Variants in SNRPN observed in about 807,000 individuals in gnomAD.
SNRPN encodes small nuclear ribonucleoprotein polypeptide N.
Under a neutral mutation model 25.2 loss-of-function variants are expected in SNRPN, and 7 were observed. The ratio of observed to expected loss-of-function variants is 0.28; its 90% CI spans 0.16 to 0.52. The LOEUF (loss-of-function observed/expected upper bound fraction) is 0.52, where lower values mean the gene tolerates loss of function less well. Among genes scored for constraint, SNRPN ranks in the 20% least tolerant of loss-of-function variants. The pLI, the probability that SNRPN is intolerant of heterozygous loss-of-function variation, is 0.96. For synonymous variants in SNRPN, 124 were observed against 110.6 expected, an observed-to-expected ratio of 1.12 and a Z score of -0.76; for missense variants, 196 against 322.5, an observed-to-expected ratio of 0.61 and a Z score of 3.00.
At chr15:24,856,378 T>G (rs2053386565), upstream of SNRPN, among the ~76,000 whole-genome samples, 1 of 152,260 alleles carries the variant, frequency 6.6e-6, no homozygotes, top group African/African-American at 2.4e-5. Flanking sequence ...ATGTCAACAC[T>G]CCTCATTAGG....
chr15:24,924,411 A>G (rs1046236211), intron 3 of SNRPN, among the ~76,000 whole-genome samples: 3 of 151,796 alleles, frequency 2.0e-5, no homozygotes, highest in African/African-American at 7.3e-5. Flanking sequence ...ATAGGAGCCA[A>G]TCTTCCCTGG....
chr15:24,847,549 G>A (rs1338533250), intron 2 of SNRPN, among the ~76,000 whole-genome samples: 1 of 152,180 alleles, frequency 6.6e-6, no homozygotes, highest in Non-Finnish European at 1.5e-5. Context: ...TGAGGCAGGA[G>A]AATTGCTTGA....
chr15:24,858,272 A>T (rs561326358), intron 1 of SNRPN, among the ~76,000 whole-genome samples: 3 of 152,174 alleles, frequency 2.0e-5, no homozygotes, highest in Non-Finnish European at 2.9e-5. Context: ...GCTAAACTAT[A>T]AACCGAATTC....
At chr15:24,854,754 C>G (rs1325935385), upstream of SNRPN, among the ~76,000 whole-genome samples, 1 of 152,120 alleles carries the variant, frequency 6.6e-6, no homozygotes, top group Non-Finnish European at 1.5e-5. Flanking sequence ...ACCTGTAATC[C>G]CAGCACTTGA....
At chr15:24,968,230 A>G in intron 3 of SNRPN, 148 bp downstream of exon 3, 1 of 579,760 alleles carries the variant, frequency 1.7e-6, no homozygotes, top group Non-Finnish European at 3.1e-6. Context: ...AAAGTTTTGC[A>G]GGACCTTAAA....
chr15:24,958,486 GTT>G (rs71127030), intron 1 of SNRPN, among the ~76,000 whole-genome samples: 223 of 65,228 alleles, frequency 3.4e-3, no homozygotes, highest in African/African-American at 0.011. Context: ...CTGGCTCAAA[GTT>G]TTTTTTTTTT....
At position 24,895,400 on chromosome 15, in the gene SNRPN, AACACACACACAC is replaced by A. The variant is rs10558727; in HGVS notation, c.-505+8840_-505+8851del. ...GAGCATTACAGAAAAAATACACCCA[AACACACACACAC>A]ACACACACACACACACACACACACA... is the stretch of plus-strand genomic sequence containing the variant. On this transcript the variant is annotated intron_variant, in intron 2 of 11. Coordinates refer to the SNRPN transcript ENST00000400097. Among the ~76,000 whole-genome samples the A allele has an allele frequency of 3.1e-3, 460 of 147,296 alleles. 2 individuals are homozygous for A. Among genetic ancestry groups the A allele is most frequent in the African/African-American group, 0.01 (413 of 40,018 alleles).
rs1431498093 is a variant in SNRPN, at chr15:24,848,327, CT to C, written c.-579+18423del. 3.2e-4 allele frequency: 48 copies of C among 150,872 alleles called. 1 individual carries two copies. The highest frequency in any genetic ancestry group is 1.1e-3 in the Admixed American group (16 of 14,974). 9.3% of individuals were successfully genotyped at this position (150,872 alleles called of 1,614,324 possible). A position where few individuals can be genotyped will look rare whatever the true frequency, so the allele number is the denominator to read the frequency against. On this transcript the variant is annotated intron_variant, in intron 2 of 12. Coordinates refer to the SNRPN transcript ENST00000400100. ...GAGGATTCGGTGTTGCCCTTTCCCC[CT>C]GCTATTTCCGTTTCCGCGCTTCAAG...
At chr15:24,864,662 T>C (rs2054394096) in intron 1 of SNRPN, among the ~76,000 whole-genome samples, 2 of 151,838 alleles carry the variant, frequency 1.3e-5, no homozygotes, top group Admixed American at 6.6e-5. Flanking sequence ...TTTTTGTTTG[T>C]TTGCTTTGTT....
chr15:24,834,424 T>C (rs1480656214), intron 2 of SNRPN, among the ~76,000 whole-genome samples: 2 of 152,014 alleles, frequency 1.3e-5, no homozygotes, highest in Admixed American at 6.6e-5. Flanking sequence ...TAAACTGATT[T>C]GTGTATGAAG....
At chr15:24,936,424 T>G (rs1253323522) in intron 3 of SNRPN, among the ~76,000 whole-genome samples, 1 of 152,098 alleles carries the variant, frequency 6.6e-6, no homozygotes, top group East Asian at 1.9e-4. Flanking sequence ...GGAGTCAGAT[T>G]TGAACATGGT....
chr15:24,975,601 A>C (rs1002470255), intron 5 of SNRPN, 92 bp downstream of exon 5: 1 of 1,050,132 alleles, frequency 9.5e-7, no homozygotes, highest in African/African-American at 1.6e-5. Context: ...GGGTAACTGA[A>C]GTAGTTAGGG....
intron 3 of SNRPN, among the ~76,000 whole-genome samples, chr15:24,925,141 G>A (rs989596761): frequency 2.6e-5 from 4 of 152,162 alleles, no homozygotes; most frequent in African/African-American, 9.7e-5. Context: ...ATTCAGGGTT[G>A]AGTCAGGAAA....
chr15:24,968,054 C>T lies in SNRPN; in HGVS notation c.-172C>T, dbSNP rs372124469. The stretch of plus-strand genomic sequence containing the variant: ...GGTGGTTAAAGCCATATTGGAGTAG[C>T]GAGGAATCTGATTCCAAGCAAAAAC... On this transcript the variant is annotated 5_prime_UTR_variant, in exon 3 of 10. Transcript: ENST00000390687. 170 of 1,608,662 alleles carry T rather than the reference C, an allele frequency of 1.1e-4. No homozygotes were observed. The highest frequency in any genetic ancestry group is 2.0e-4 in the Admixed American group (12 of 59,970).
chr15:24,855,734 G>A (rs2053319204), upstream of SNRPN, among the ~76,000 whole-genome samples: 1 of 143,194 alleles, frequency 7.0e-6, no homozygotes, highest in South Asian at 2.3e-4. Flanking sequence ...GGAGGTTGCA[G>A]TGAGCCAAGA....
At chr15:24,970,798 G>A (rs2076304577) in intron 3 of SNRPN, among the ~76,000 whole-genome samples, 1 of 152,000 alleles carries the variant, frequency 6.6e-6, no homozygotes, top group African/African-American at 2.4e-5. Context: ...ACCACCCTTT[G>A]TATTCTGGTG....
intron 7 of SNRPN, 24 bp downstream of exon 7, chr15:24,977,053 A>C: frequency 6.5e-7 from 1 of 1,535,192 alleles, no homozygotes; most frequent in South Asian, 1.3e-5. Flanking sequence ...AGAGGGTTTT[A>C]TATTATTGGG....
chr15:24,896,492 C>G (rs1455187502), intron 2 of SNRPN, among the ~76,000 whole-genome samples: 1 of 151,824 alleles, frequency 6.6e-6, no homozygotes, highest in African/African-American at 2.4e-5. Flanking sequence ...AGGCAGATCA[C>G]AAGGTCAGGA....
rs371419398 is a variant in SNRPN, at chr15:24,939,713, G to A, written c.-391+19589G>A. On this transcript the variant is annotated intron_variant, in intron 3 of 11. Transcript: ENST00000400097. ...CTCCCAAAGTACTGGGATTACAGGC[G>A]TGAGCCGCTGCACCTGGCTTGGCCC... 1.9e-3 allele frequency among the ~76,000 whole-genome samples: 284 copies of A among 150,342 alleles called. 4 individuals carry two copies. Among genetic ancestry groups the A allele is most frequent in the African/African-American group, 6.7e-3 (275 of 40,862 alleles).
Sources: allele counts gnomAD v4.1 joint callset (sites outside exome capture counted in the v4.1 genomes callset), GRCh38; gene constraint gnomAD v4.1.1; transcripts MANE v1.5; gene names NCBI Gene and HGNC (gene_info 2026-07-23, HGNC 2026-07-21).